BORCS6: variants seen among roughly 807,000 people sequenced by gnomAD.
BORCS6 encodes BLOC-1 related complex subunit 6.
In BORCS6, 12 loss-of-function variants were observed where a neutral mutation model predicts 17.0. That is an observed-to-expected ratio of 0.71 (90% CI 0.45 to 1.15). BORCS6 has a LOEUF of 1.15. Among genes scored for constraint, BORCS6 ranks in the 50% most tolerant of loss-of-function variants. The pLI is 0.00. For synonymous variants in BORCS6, 262 were observed against 241.7 expected, an observed-to-expected ratio of 1.08 and a Z score of -0.78; for missense variants, 513 against 515.0, an observed-to-expected ratio of 1.00 and a Z score of 0.04.
rs766776685 is a variant in BORCS6 at position 8,190,067 on chromosome 17, A to C, written c.74T>G (p.Phe25Cys). ...GGACGTTCGGCCCGGCCCGCCGCCA[A>C]AGACTAGGGCCTGATGTTCCGCTAC... ...LAVAEHQALV[F>C]GGGPGRTSSE... is the part of the protein sequence containing the mutation. The change falls in exon 1 of 1, where the codon TTT becomes TGT. Residue 25 changes from phenylalanine to cysteine, a missense_variant. Coordinates refer to ENST00000389017, the MANE Select transcript of BORCS6 (RefSeq NM_017622.3). 6.5e-7 allele frequency: 1 copy of C among 1,550,184 alleles called. No homozygotes were observed. Among genetic ancestry groups the C allele is most frequent in the South Asian group, 1.2e-5 (1 of 84,052 alleles).
chr17:8,189,046 C>T lies in BORCS6; in HGVS notation c.*21G>A. The T allele has an allele frequency of 6.2e-7, 1 of 1,613,918 alleles. No homozygotes were observed. Among genetic ancestry groups the T allele is most frequent in the African/African-American group, 1.3e-5 (1 of 75,060 alleles). ...TGCTGGGCCCTGCCCTGGCCAGGAC[C>T]GGCCTCTCCTGTCCTCCTGGTCACT... On this transcript the variant is annotated 3_prime_UTR_variant, in exon 1 of 1. Transcript: ENST00000389017. This position sits in a 1 kb window ranked among gnomAD's most constrained non-coding sequence, Gnocchi z 7.8.
rs763257512 is a variant in BORCS6 at position 8,190,059 on chromosome 17, C to T, written c.82G>A (p.Gly28Arg). 5.2e-6 allele frequency: 8 copies of T among 1,550,254 alleles called. No homozygotes were observed. The South Asian group carries it at 5.9e-5, about 12-fold the overall frequency. ...AEHQALVFGG[G>R]PGRTSSEPPA... Reference sequence around the variant, plus strand: ...GGCTCAGAGGACGTTCGGCCCGGCCCGCCGCCAAAGACTAGGGCCTGATGT... The same window carrying T: ...GGCTCAGAGGACGTTCGGCCCGGCCTGCCGCCAAAGACTAGGGCCTGATGT... The change falls in exon 1 of 1, where the codon GGG (glycine) becomes AGG (arginine). Residue 28 changes from glycine to arginine, a missense_variant. Coordinates refer to ENST00000389017, the MANE Select transcript of BORCS6 (RefSeq NM_017622.3).
In BORCS6 at chr17:8,189,857, C is replaced by T. The variant is rs1252401089; in HGVS notation, c.284G>A (p.Arg95Lys). 8 of 1,549,380 alleles carry T rather than the reference C, an allele frequency of 5.2e-6. No homozygotes were observed. The highest frequency in any genetic ancestry group is 1.4e-5 in the African/African-American group (1 of 73,138). Reference sequence around the variant, plus strand: ...TTCGTGCTCTGCACCCGGCGCCCCCCTGCGGCTCCCGGCCCCAGACAGCGT... The same window carrying T: ...TTCGTGCTCTGCACCCGGCGCCCCCTTGCGGCTCCCGGCCCCAGACAGCGT... ...QGTLSGAGSR[R>K]GAPGAEHEPS... is the part of the protein sequence containing the mutation. The change falls in exon 1 of 1, where the codon AGG becomes AAG. Residue 95 changes from arginine to lysine, a missense_variant. Physicochemically the swap from Arg to Lys is conservative, Grantham distance 26 (BLOSUM62 2). Transcript: ENST00000389017. The surrounding 1 kb of genome is among the most constrained non-coding windows in gnomAD (Gnocchi z 7.8).
chr17:8,189,634 C>T lies in BORCS6; in HGVS notation c.507G>A (p.Leu169=). The T allele has an allele frequency of 6.3e-7, 1 of 1,598,888 alleles. No homozygotes were observed. The highest frequency in any genetic ancestry group is 8.5e-7 in the Non-Finnish European group (1 of 1,178,832). Reference sequence around the variant, plus strand: ...CACCGCACGCCTCGCTCAGCCCGTCCAGGCTGCGGCTGTCCTGAAGACGGC... The same window carrying T: ...CACCGCACGCCTCGCTCAGCCCGTCTAGGCTGCGGCTGTCCTGAAGACGGC... ...FSSRLQDSRS[L]DGLSEACGGA... The change falls in exon 1 of 1, where the codon CTG becomes CTA. Residue 169 remains leucine (L), a synonymous_variant. Coordinates refer to ENST00000389017, the MANE Select transcript of BORCS6 (RefSeq NM_017622.3). The surrounding 1 kb of genome is among the most constrained non-coding windows in gnomAD (Gnocchi z 7.8).
Position 8,189,330 on chromosome 17 carries a change from G to C in BORCS6, c.811C>G (p.Leu271Val). Residue 271 changes from leucine (L) to valine (V), a missense_variant, in exon 1 of 1, where the codon CTG (leucine) becomes GTG (valine). Transcript: ENST00000389017. The surrounding 1 kb of genome is among the most constrained non-coding windows in gnomAD (Gnocchi z 7.8). ...LRDLERLSRE[L>V]GGRVDRLLRG... ...AGCAGACGGTCCACCCGGCCTCCCA[G>C]CTCCCGACTCAACCGCTCCAGATCC... 2 of 1,612,808 alleles carry C rather than the reference G, an allele frequency of 1.2e-6. No individual in the cohort carries two copies. The highest frequency in any genetic ancestry group is 2.2e-5 in the South Asian group (2 of 90,986).
Position 8,188,995 on chromosome 17 carries a change from G to C in BORCS6, c.*72C>G. The C allele has an allele frequency of 6.3e-7, 1 of 1,597,048 alleles. No individual in the cohort carries two copies. Among genetic ancestry groups the C allele is most frequent in the Admixed American group, 1.8e-5 (1 of 55,018 alleles). On this transcript the variant is annotated 3_prime_UTR_variant, in exon 1 of 1. Coordinates refer to ENST00000389017, the MANE Select transcript of BORCS6 (RefSeq NM_017622.3). Reference sequence around the variant, plus strand: ...CCCCTCAGTGGGCACTTCCCACCAGGACTCCCTGAAGAGTCCTTAGGGTCC... The same window carrying C: ...CCCCTCAGTGGGCACTTCCCACCAGCACTCCCTGAAGAGTCCTTAGGGTCC...
rs994589786 is a variant in BORCS6, at chr17:8,189,996, C to T, written c.145G>A (p.Glu49Lys). 2 of 1,550,016 alleles carry T rather than the reference C, an allele frequency of 1.3e-6. No homozygotes were observed. The highest frequency in any genetic ancestry group is 1.7e-6 in the Non-Finnish European group (2 of 1,146,850). ...TGGCGGTTCGCGCCCCCAACGTTCT[C>T]GGTCTCTTCCTCCCCGGACACCCGG... is the stretch of plus-strand genomic sequence containing the variant. ...GLRVSGEEET[E>K]NVGGANRHPR... Residue 49 changes from glutamate (E) to lysine (K), a missense_variant, in exon 1 of 1, where the codon GAG (glutamate) becomes AAG (lysine). Physicochemically the swap from Glu to Lys is moderately conservative, Grantham distance 56 (BLOSUM62 1). Coordinates refer to ENST00000389017, the MANE Select transcript of BORCS6 (RefSeq NM_017622.3). This position sits in a 1 kb window ranked among gnomAD's most constrained non-coding sequence, Gnocchi z 7.8.
At position 8,189,330 on chromosome 17, in the gene BORCS6, G is replaced by T; in HGVS notation, c.811C>A (p.Leu271Met). 6.2e-7 allele frequency: 1 copy of T among 1,612,808 alleles called. No homozygotes were observed. Among genetic ancestry groups the T allele is most frequent in the Non-Finnish European group, 8.5e-7 (1 of 1,179,578 alleles). Reference sequence around the variant, plus strand: ...AGCAGACGGTCCACCCGGCCTCCCAGCTCCCGACTCAACCGCTCCAGATCC... The same window carrying T: ...AGCAGACGGTCCACCCGGCCTCCCATCTCCCGACTCAACCGCTCCAGATCC... ...LRDLERLSRE[L>M]GGRVDRLLRG... is the part of the protein sequence containing the mutation. The change falls in exon 1 of 1, where the codon CTG becomes ATG. Residue 271 changes from leucine (L) to methionine (M), a missense_variant. Physicochemically the swap from Leu to Met is conservative, Grantham distance 15. Transcript: ENST00000389017. This position sits in a 1 kb window ranked among gnomAD's most constrained non-coding sequence, Gnocchi z 7.8.
rs1028640095 is a variant in BORCS6 at position 8,188,620 on chromosome 17, G to A, written c.*447C>T. The A allele has an allele frequency of 2.4e-5, 5 of 209,414 alleles. No homozygotes were observed. The highest frequency in any genetic ancestry group is 1.2e-4 in the African/African-American group (5 of 42,102). 13.0% of individuals were successfully genotyped at this position (209,414 alleles called of 1,614,324 possible). On this transcript the variant is annotated 3_prime_UTR_variant, in exon 1 of 1. Transcript: ENST00000389017. ...TTTGCCTGCGGGGTGTTTGGCCAAG[G>A]ACGGCACAAGCTCCCACAGCCCCTG... is the stretch of plus-strand genomic sequence containing the variant.
In BORCS6 at chr17:8,189,849, G is replaced by GC; in HGVS notation, c.291dup (p.Pro98AlafsTer41). ...AGGGAAGGTTCGTGCTCTGCACCCG[G>GC]CGCCCCCCTGCGGCTCCCGGCCCCA... On this transcript the variant is annotated frameshift_variant, in exon 1 of 1. Coordinates refer to ENST00000389017, the MANE Select transcript of BORCS6 (RefSeq NM_017622.3). LOFTEE classifies it high-confidence loss of function. This position sits in a 1 kb window ranked among gnomAD's most constrained non-coding sequence, Gnocchi z 7.8. The GC allele has an allele frequency of 6.4e-7, 1 of 1,550,984 alleles. No individual in the cohort carries two copies. Among genetic ancestry groups the GC allele is most frequent in the East Asian group, 2.4e-5 (1 of 41,070 alleles).
In BORCS6 at chr17:8,189,419, G is replaced by A. The variant is rs1192423395; in HGVS notation, c.722C>T (p.Pro241Leu). The change falls in exon 1 of 1, where the codon CCC (proline) becomes CTC (leucine). Residue 241 changes from proline to leucine, a missense_variant. Transcript: ENST00000389017. The surrounding 1 kb of genome is among the most constrained non-coding windows in gnomAD (Gnocchi z 7.8). ...GGGTGTGGGTGCAGGCGCTGGGCAG[G>A]GCCGCGCAGGGGCAGAAGGCGGGGG... is the stretch of plus-strand genomic sequence containing the variant. ...PPPPPSAPAR[P>L]CPAPAPTPTP... 8 of 1,572,184 alleles carry A rather than the reference G, an allele frequency of 5.1e-6. No homozygotes were observed. The highest frequency in any genetic ancestry group is 6.9e-6 in the Non-Finnish European group (8 of 1,159,204).
Position 8,189,606 on chromosome 17 carries a change from C to T in BORCS6, c.535G>A (p.Ala179Thr). The T allele has an allele frequency of 1.3e-6, 2 of 1,595,800 alleles. No individual in the cohort carries two copies. The highest frequency in any genetic ancestry group is 8.5e-7 in the Non-Finnish European group (1 of 1,176,188). ...GACTCGGCACTCCCTGAGGACCCGG[C>T]GCCACCGCACGCCTCGCTCAGCCCG... ...LDGLSEACGG[A>T]GSSGSAESGA... Residue 179 changes from alanine to threonine, a missense_variant, in exon 1 of 1, where the codon GCC becomes ACC. By Grantham distance (58) the Ala-to-Thr change is moderately conservative (BLOSUM62 0). Transcript: ENST00000389017. This position sits in a 1 kb window ranked among gnomAD's most constrained non-coding sequence, Gnocchi z 7.8.
rs1357708720 is a variant in BORCS6, at chr17:8,189,032, G to A, written c.*35C>T. 1.2e-6 allele frequency: 2 copies of A among 1,613,416 alleles called. No homozygotes were observed. Among genetic ancestry groups the A allele is most frequent in the African/African-American group, 1.3e-5 (1 of 74,910 alleles). On this transcript the variant is annotated 3_prime_UTR_variant, in exon 1 of 1. Transcript: ENST00000389017. The surrounding 1 kb of genome is among the most constrained non-coding windows in gnomAD (Gnocchi z 7.8). ...AGTCCTTAGGGTCCTGCTGGGCCCT[G>A]CCCTGGCCAGGACCGGCCTCTCCTG...
chr17:8,188,516 G>A lies in BORCS6; in HGVS notation c.*551C>T, dbSNP rs778921704. ...TGCAACCCATTCCTCCTAGCTGCAC[G>A]CCGGTTCTGGCTGGGGAAGTGGTAT... On this transcript the variant is annotated 3_prime_UTR_variant, in exon 1 of 1. Transcript: ENST00000389017. 31 of 165,598 alleles carry A rather than the reference G, an allele frequency of 1.9e-4. No individual in the cohort carries two copies. Among genetic ancestry groups the A allele is most frequent in the Admixed American group, 9.2e-4 (15 of 16,374 alleles). The allele number at this position is 165,598 out of a possible 1,614,324, so 10.3% of individuals were successfully genotyped here. A position where few individuals can be genotyped will look rare whatever the true frequency, so the allele number is the denominator to read the frequency against.
rs905857681 is a variant in BORCS6, at chr17:8,189,682, G to A, written c.459C>T (p.Ser153=). 1.9e-6 allele frequency: 3 copies of A among 1,598,370 alleles called. No individual in the cohort carries two copies. The highest frequency in any genetic ancestry group is 2.2e-5 in the South Asian group (2 of 91,072). ...GGCTGGAGAACGAGCGGCCGGCTCT[G>A]CTGCCCGCGGCCGCCTCCTCGTCGT... ...EDNDEEAAAG[S]RAGRSFSSRL... is the part of the protein sequence containing the mutation. The change falls in exon 1 of 1, where the codon AGC becomes AGT. Residue 153 remains serine (S), a synonymous_variant. Coordinates refer to ENST00000389017, the MANE Select transcript of BORCS6 (RefSeq NM_017622.3). This position sits in a 1 kb window ranked among gnomAD's most constrained non-coding sequence, Gnocchi z 7.8.
In BORCS6 at chr17:8,189,538, C is replaced by T. The variant is rs1028993800; in HGVS notation, c.603G>A (p.Leu201=). 23 of 1,581,450 alleles carry T rather than the reference C, an allele frequency of 1.5e-5. No homozygotes were observed. The highest frequency in any genetic ancestry group is 1.5e-5 in the Non-Finnish European group (17 of 1,165,222). ...GGCGGCTCACTGTGCCTTCGAGCTC[C>T]AGGGGACTGGAGATGGTGGCGCGGC... is the stretch of plus-strand genomic sequence containing the variant. ...GGRRATISSP[L]ELEGTVSRHG... The change falls in exon 1 of 1, where the codon CTG becomes CTA. Residue 201 remains leucine (L), a synonymous_variant. Transcript: ENST00000389017. This position sits in a 1 kb window ranked among gnomAD's most constrained non-coding sequence, Gnocchi z 7.8.
rs2233764 is a variant in BORCS6, at chr17:8,189,287, G to A, written c.854C>T (p.Ala285Val). The A allele has an allele frequency of 9.2e-5, 148 of 1,613,762 alleles. No homozygotes were observed. The highest frequency in any genetic ancestry group is 6.6e-4 in the Middle Eastern group (4 of 6,062). The change falls in exon 1 of 1, where the codon GCG becomes GTG. Residue 285 changes from alanine (A) to valine (V), a missense_variant. Ala to Val is a moderately conservative substitution (Grantham distance 64, BLOSUM62 0). Transcript: ENST00000389017. The surrounding 1 kb of genome is among the most constrained non-coding windows in gnomAD (Gnocchi z 7.8). ...GCTCAGCGCCGTCAGCTCCTGCACC[G>A]CGCCACCCAGACCGCGAAGCAGACG... ...VDRLLRGLGGAVQELTALSVG... is the reference protein window; with the variant it reads ...VDRLLRGLGGVVQELTALSVG...
rs188696819 is a variant in BORCS6 at position 8,190,161 on chromosome 17, C to G, written c.-21G>C. On this transcript the variant is annotated 5_prime_UTR_variant, in exon 1 of 1. Coordinates refer to ENST00000389017, the MANE Select transcript of BORCS6 (RefSeq NM_017622.3). ...TCCATACTGCAGGTGGGGGCCGCAACGGAGGAATTGGTTCGCCCCGGCTCC... is the reference window on the plus strand; with the variant it reads ...TCCATACTGCAGGTGGGGGCCGCAAGGGAGGAATTGGTTCGCCCCGGCTCC... 1,758 of 1,533,530 alleles carry G rather than the reference C, an allele frequency of 1.1e-3. 33 individuals are homozygous for G. In the East Asian group the frequency reaches 0.036, roughly 31 times the overall value. 95.0% of individuals were successfully genotyped at this position (1,533,530 alleles called of 1,614,324 possible). A position where few individuals can be genotyped will look rare whatever the true frequency, so the allele number is the denominator to read the frequency against.
In BORCS6 at chr17:8,190,149, T is replaced by C; in HGVS notation, c.-9A>G. ...CCCCGAGACGACTCCATACTGCAGGTGGGGGCCGCAACGGAGGAATTGGTT... is the reference window on the plus strand; with the variant it reads ...CCCCGAGACGACTCCATACTGCAGGCGGGGGCCGCAACGGAGGAATTGGTT... On this transcript the variant is annotated 5_prime_UTR_variant, in exon 1 of 1. Coordinates refer to ENST00000389017, the MANE Select transcript of BORCS6 (RefSeq NM_017622.3). 1 of 1,536,998 alleles carries C rather than the reference T, an allele frequency of 6.5e-7. No individual in the cohort carries two copies. The highest frequency in any genetic ancestry group is 1.4e-5 in the African/African-American group (1 of 71,434).
Sources: allele counts gnomAD v4.1 joint callset, GRCh38; gene constraint gnomAD v4.1.1; non-coding constraint Gnocchi (gnomAD v3.1); transcripts MANE v1.5; gene names NCBI Gene and HGNC (gene_info 2026-07-23, HGNC 2026-07-21).